Variants in NTNG1 observed in about 807,000 individuals in gnomAD.
The protein encoded by NTNG1 is netrin-G1.
In NTNG1, 16 loss-of-function variants were observed where a neutral mutation model predicts 54.0. The ratio of observed to expected loss-of-function variants is 0.30; its 90% CI spans 0.20 to 0.45. The LOEUF (loss-of-function observed/expected upper bound fraction) is 0.45, where lower values mean the gene tolerates loss of function less well. Ranked by LOEUF, NTNG1 falls within the 20% of genes least tolerant of loss-of-function variation. NTNG1 has a pLI of 1.00. For missense variants in NTNG1, 530 were observed against 678.7 expected, an observed-to-expected ratio of 0.78 and a Z score of 2.43; for synonymous variants, 255 against 263.1, an observed-to-expected ratio of 0.97 and a Z score of 0.30.
chr1:107,240,140 A>G (rs376940509), intron 2 of NTNG1, among the ~76,000 whole-genome samples: 1 of 152,210 alleles, frequency 6.6e-6, no homozygotes. Flanking sequence ...TTTCAGAAAC[A>G]ACTACAAAAT....
At chr1:107,194,387 C>T (rs1339023278) in intron 2 of NTNG1, among the ~76,000 whole-genome samples, 1 of 152,010 alleles carries the variant, frequency 6.6e-6, no homozygotes, top group East Asian at 1.9e-4. Flanking sequence ...ATCAATACGT[C>T]CTTACAGAAA....
intron 3 of NTNG1, among the ~76,000 whole-genome samples, chr1:107,352,608 G>A (rs1189338457): frequency 2.0e-5 from 3 of 152,180 alleles, no homozygotes; most frequent in East Asian, 1.9e-4. Context: ...CCAAAAGGGA[G>A]AAATCAGCCA....
intron 7 of NTNG1, among the ~76,000 whole-genome samples, chr1:107,447,763 G>A (rs1158126058): frequency 2.0e-5 from 3 of 152,014 alleles, no homozygotes; most frequent in South Asian, 2.1e-4. Flanking sequence ...CTATGCCTTC[G>A]TTTCATCTTT....
chr1:107,207,604 T>C (rs951776795), intron 2 of NTNG1, among the ~76,000 whole-genome samples: 2 of 152,184 alleles, frequency 1.3e-5, no homozygotes, highest in Non-Finnish European at 2.9e-5. Context: ...GTTTAGTACC[T>C]AAGGTATAAA....
chr1:107,208,430 C>CAA (rs5776882), intron 2 of NTNG1, among the ~76,000 whole-genome samples: 2,388 of 129,908 alleles, frequency 0.018, 48 homozygotes, highest in African/African-American at 0.045. Context: ...AACATCATCT[C>CAA]AAAAAAAAAA....
chr1:107,240,145 C>A (rs1661723532), intron 2 of NTNG1, among the ~76,000 whole-genome samples: 1 of 152,020 alleles, frequency 6.6e-6, no homozygotes, highest in African/African-American at 2.4e-5. Flanking sequence ...GAAACAACTA[C>A]AAAATTGCTT....
chr1:107,148,928 T>C, intron 2 of NTNG1, 89 bp downstream of exon 2: 2 of 1,318,066 alleles, frequency 1.5e-6, no homozygotes, highest in Non-Finnish European at 1.1e-6. Flanking sequence ...AGACAATTCA[T>C]GCAATAAGTT....
At chr1:107,240,536 G>A (rs1444334946) in intron 2 of NTNG1, among the ~76,000 whole-genome samples, 1 of 152,170 alleles carries the variant, frequency 6.6e-6, no homozygotes, top group East Asian at 1.9e-4. Flanking sequence ...CATTCTGCTT[G>A]TGCAGTGCCC....
intron 2 of NTNG1, among the ~76,000 whole-genome samples, chr1:107,208,069 C>G (rs888738636): frequency 1.3e-5 from 2 of 152,102 alleles, no homozygotes; most frequent in African/African-American, 4.8e-5. Flanking sequence ...CTGAAGTGCT[C>G]AAGGCGTCGA....
intron 7 of NTNG1, among the ~76,000 whole-genome samples, chr1:107,438,065 A>G (rs1409821974): frequency 1.3e-5 from 2 of 152,202 alleles, no homozygotes; most frequent in African/African-American, 4.8e-5. Flanking sequence ...TGAATTCTAT[A>G]ATAATAACTG....
intron 2 of NTNG1, among the ~76,000 whole-genome samples, chr1:107,290,592 A>T (rs924421081): frequency 2.0e-5 from 3 of 152,136 alleles, no homozygotes; most frequent in African/African-American, 7.2e-5. Context: ...GGGTACTGGA[A>T]TTCAGGCACA....
chr1:107,438,468 G>C (rs887841735), intron 7 of NTNG1, among the ~76,000 whole-genome samples: 1 of 152,204 alleles, frequency 6.6e-6, no homozygotes, highest in African/African-American at 2.4e-5. Flanking sequence ...TCAGGGCTCA[G>C]AGTGAAGCTA....
chr1:107,273,857 T>C (rs755793632), intron 2 of NTNG1, among the ~76,000 whole-genome samples: 63 of 152,198 alleles, frequency 4.1e-4, no homozygotes, highest in Non-Finnish European at 8.1e-4. Context: ...CCATCAAGCT[T>C]AATAGTTTCA....
chr1:107,273,076 A>G (rs1402620785), intron 2 of NTNG1, among the ~76,000 whole-genome samples: 1 of 152,084 alleles, frequency 6.6e-6, no homozygotes, highest in Non-Finnish European at 1.5e-5. Context: ...ATGCATATCT[A>G]TTTTTTCCTC....
At chr1:107,377,166 A>G (rs998525179) in intron 3 of NTNG1, among the ~76,000 whole-genome samples, 1 of 152,150 alleles carries the variant, frequency 6.6e-6, no homozygotes, top group Non-Finnish European at 1.5e-5. Flanking sequence ...GTTGAATTTA[A>G]CAACACTTGA....
intron 2 of NTNG1, among the ~76,000 whole-genome samples, chr1:107,149,534 C>CT (rs1201769444): frequency 2.6e-5 from 4 of 151,932 alleles, no homozygotes; most frequent in African/African-American, 4.8e-5. Context: ...AATTCAGATA[C>CT]TTTTTTTTGA....
intron 2 of NTNG1, among the ~76,000 whole-genome samples, chr1:107,209,697 C>G (rs1389494372): frequency 6.6e-6 from 1 of 152,090 alleles, no homozygotes. Context: ...ATTCTCTATC[C>G]TCTTTCATAT....
At position 107,285,045 on chromosome 1, in the gene NTNG1, GT is replaced by G. The variant is rs1665101920; in HGVS notation, c.247-39233del. On this transcript the variant is annotated intron_variant, in intron 2 of 7. Transcript: ENST00000370068. ...TAAAAATATTTTTGACCTATATTAA[GT>G]TTTGTGGGACATTTGAGAATTACTA... Among the ~76,000 whole-genome samples, 3 of 151,988 alleles carry G rather than the reference GT, an allele frequency of 2.0e-5. No individual in the cohort carries two copies. In the South Asian group the frequency reaches 6.2e-4, roughly 31 times the overall value.
intron 7 of NTNG1, among the ~76,000 whole-genome samples, chr1:107,475,710 C>A (rs1454035375): frequency 6.6e-6 from 1 of 152,214 alleles, no homozygotes; most frequent in African/African-American, 2.4e-5. Context: ...ATTGCTATGA[C>A]TGATGCCCTG....
Sources: allele counts gnomAD v4.1 joint callset (sites outside exome capture counted in the v4.1 genomes callset), GRCh38; gene constraint gnomAD v4.1.1; transcripts MANE v1.5; gene names NCBI Gene and HGNC (gene_info 2026-07-23, HGNC 2026-07-21).